The following DPP6 variants were observed in gnomAD, a reference collection of about 807,000 sequenced individuals.
The protein encoded by DPP6 is A-type potassium channel modulatory protein DPP6.
Under a neutral mutation model 122.6 loss-of-function variants are expected in DPP6, and 69 were observed. The ratio of observed to expected loss-of-function variants is 0.56; its 90% CI spans 0.46 to 0.69. The LOEUF (loss-of-function observed/expected upper bound fraction) is 0.69, where lower values mean the gene tolerates loss of function less well. Among genes scored for constraint, DPP6 ranks in the 30% least tolerant of loss-of-function variants. The probability of loss-of-function intolerance (pLI) is 0.00; values close to 1 mark genes in which losing one functional copy is unlikely to be tolerated. For synonymous variants in DPP6, 418 were observed against 433.1 expected, an observed-to-expected ratio of 0.97 and a Z score of 0.43; for missense variants, 928 against 1,116.9, an observed-to-expected ratio of 0.83 and a Z score of 2.41.
chr7:154,876,203 C>T, intron 20 of DPP6, 103 bp downstream of exon 20: 2 of 1,382,820 alleles, frequency 1.4e-6, no homozygotes, highest in Admixed American at 3.2e-5. Context: ...TCCACGCACA[C>T]ATTTTTCATG....
intron 1 of DPP6, among the ~76,000 whole-genome samples, chr7:154,373,260 T>C (rs1282969878): frequency 2.0e-5 from 3 of 152,358 alleles, no homozygotes; most frequent in Non-Finnish European, 4.4e-5. Flanking sequence ...CCTAATTAAT[T>C]CATTTTTCTG....
At chr7:153,908,048 T>TTC (rs949931874) in intron 1 of DPP6, among the ~76,000 whole-genome samples, 1 of 151,382 alleles carries the variant, frequency 6.6e-6, no homozygotes, top group Non-Finnish European at 1.5e-5. Context: ...TTTTTTTTTT[T>TTC]TGCTTAATTG....
chr7:154,684,507 G>A lies in DPP6; in HGVS notation c.762+15066G>A, dbSNP rs148139256. ...ATCAATTACTTTTTTCAATTTAAGC[G>A]TAAACTCGATTTATGAATTTTTATG... On this transcript the variant is annotated intron_variant, in intron 7 of 25. Transcript: ENST00000377770. 5.5e-3 allele frequency among the ~76,000 whole-genome samples: 837 copies of A among 152,266 alleles called. 5 individuals carry two copies. Among genetic ancestry groups the A allele is most frequent in the African/African-American group, 0.019 (786 of 41,540 alleles).
intron 1 of DPP6, among the ~76,000 whole-genome samples, chr7:154,437,478 T>C (rs905493290): frequency 4.6e-5 from 7 of 152,198 alleles, no homozygotes; most frequent in African/African-American, 1.7e-4. Flanking sequence ...GGGCCCATAC[T>C]ACAAGGCTGG....
In DPP6 at chr7:153,944,669, T is replaced by G. The variant is rs1158573618; in HGVS notation, c.51+56935T>G. 9.1e-5 allele frequency among the ~76,000 whole-genome samples: 13 copies of G among 142,414 alleles called. No individual in the cohort carries two copies. In the South Asian group the frequency reaches 2.8e-3, roughly 30 times the overall value. 93.4% of individuals were successfully genotyped at this position (142,414 alleles called of 152,430 possible). On this transcript the variant is annotated intron_variant, in intron 1 of 25. Coordinates refer to the DPP6 transcript ENST00000404039. The stretch of plus-strand genomic sequence containing the variant: ...AGTTTCTTATTTTTGTGTGGGTTTT[T>G]TTTTTTTTTTTTTTTTTGAGACAGA...
chr7:154,861,293 A>G (rs1803373850), intron 17 of DPP6, among the ~76,000 whole-genome samples: 3 of 152,216 alleles, frequency 2.0e-5, no homozygotes, highest in African/African-American at 7.2e-5. Context: ...TTAAGTTGTC[A>G]CCTAAAGTTT....
At chr7:154,177,214 C>G (rs376483113) in intron 1 of DPP6, among the ~76,000 whole-genome samples, 1 of 152,128 alleles carries the variant, frequency 6.6e-6, no homozygotes, top group African/African-American at 2.4e-5. Context: ...TAGGCAGGTG[C>G]TGGCTACGGA....
At chr7:154,677,097 G>T (rs1264857971) in intron 7 of DPP6, among the ~76,000 whole-genome samples, 24 of 152,200 alleles carry the variant, frequency 1.6e-4, no homozygotes, top group Admixed American at 1.6e-3. Context: ...TTCATTCTAT[G>T]AGCTATTGTT....
intron 3 of DPP6, among the ~76,000 whole-genome samples, chr7:154,524,938 A>G (rs1275358987): frequency 6.6e-6 from 1 of 152,156 alleles, no homozygotes; most frequent in East Asian, 1.9e-4. Context: ...AGACCTGGAA[A>G]CATCCATTTT....
chr7:153,829,691 C>G, the DPP6 span, among the ~76,000 whole-genome samples: 1 of 152,168 alleles, frequency 6.6e-6, no homozygotes, highest in Admixed American at 6.5e-5. Context: ...ACTTCTGGAA[C>G]GCAGCGTGCA....
intron 1 of DPP6, among the ~76,000 whole-genome samples, chr7:154,358,969 G>A (rs995467489): frequency 1.3e-5 from 2 of 152,194 alleles, no homozygotes; most frequent in African/African-American, 4.8e-5. Flanking sequence ...GCCTCCCAAA[G>A]TGCTGGGATT....
At chr7:154,615,870 T>C (rs937003) in intron 5 of DPP6, among the ~76,000 whole-genome samples, 146,399 of 152,272 alleles carry the variant, frequency 0.96, 70,641 homozygotes, top group East Asian at 1. Context: ...AACCCTGTCC[T>C]CATTAAACAC....
At chr7:154,686,938 C>T (rs964945855) in intron 7 of DPP6, among the ~76,000 whole-genome samples, 4 of 152,124 alleles carry the variant, frequency 2.6e-5, no homozygotes, top group Non-Finnish European at 5.9e-5. Context: ...CACCGGGTTC[C>T]GGGTCCCTCC....
intron 1 of DPP6, among the ~76,000 whole-genome samples, chr7:154,312,847 A>G (rs76166541): frequency 0.019 from 2,970 of 152,320 alleles, 93 homozygotes; most frequent in African/African-American, 0.068. Context: ...ACCAAAAAAT[A>G]TTCAAAGCAT....
intron 1 of DPP6, among the ~76,000 whole-genome samples, chr7:153,990,097 A>C (rs1413180060): frequency 7.9e-4 from 34 of 42,844 alleles, no homozygotes; most frequent in African/African-American, 1.0e-3. Context: ...TCTAAGCCCC[A>C]CCCTCAGGCA....
intron 1 of DPP6, among the ~76,000 whole-genome samples, chr7:154,379,175 T>C (rs995049356): frequency 6.6e-6 from 1 of 152,092 alleles, no homozygotes; most frequent in Non-Finnish European, 1.5e-5. Context: ...TTCCAAGAGG[T>C]GCCTCCATAA....
Position 154,286,643 on chromosome 7 carries a change from T to C in DPP6, c.244-159571T>C, listed in dbSNP as rs1188644934. 3.9e-5 allele frequency among the ~76,000 whole-genome samples: 6 copies of C among 152,170 alleles called. No homozygotes were observed. The East Asian group carries it at 1.2e-3, about 30-fold the overall frequency. On this transcript the variant is annotated intron_variant, in intron 1 of 25. Transcript: ENST00000377770. ...CAGACATCAGGTGGCTCCATTCCTC[T>C]CCAGGGCCATGGAGCTTCACTGTGA...
intron 1 of DPP6, among the ~76,000 whole-genome samples, chr7:154,114,629 A>G (rs895409339): frequency 6.6e-6 from 1 of 152,188 alleles, no homozygotes; most frequent in African/African-American, 2.4e-5. Context: ...GAGCTAAGGC[A>G]CATCCAACTC....
At chr7:154,320,712 C>T (rs1323419138) in intron 1 of DPP6, among the ~76,000 whole-genome samples, 1 of 152,178 alleles carries the variant, frequency 6.6e-6, no homozygotes, top group Non-Finnish European at 1.5e-5. Flanking sequence ...TCTCGAACTC[C>T]TGGCCTCAGG....
Sources: gnomAD v4.1 joint callset for allele counts (sites outside exome capture counted in the v4.1 genomes callset) on GRCh38, gnomAD v4.1.1 for gene constraint, MANE v1.5 for transcripts, NCBI Gene and HGNC (gene_info 2026-07-23, HGNC 2026-07-21) for gene names.